Variants in COG7 observed in about 807,000 individuals in gnomAD.
The protein encoded by COG7 is component of oligomeric golgi complex 7.
COG7 carries 49 observed loss-of-function variants against 91.5 expected under a neutral mutation model. The observed-to-expected ratio is 0.54, with a 90% CI of 0.43 to 0.68. COG7 has a LOEUF of 0.68. COG7 is among the 30% of genes least tolerant of loss of function. COG7 has a pLI of 0.00. For missense variants in COG7, 895 were observed against 961.3 expected, an observed-to-expected ratio of 0.93 and a Z score of 0.91; for synonymous variants, 365 against 388.7, an observed-to-expected ratio of 0.94 and a Z score of 0.72.
rs1348606378 is a variant in COG7, at chr16:23,433,409, C to T, written c.810+136G>A. On this transcript the variant is annotated intron_variant, in intron 6 of 16. Transcript: ENST00000307149. ...CCCGGCCTAACTGGTTATTTTTTAA[C>T]CCCTTGAATGACAGCAACAAACGGG... 8 of 1,153,064 alleles carry T rather than the reference C, an allele frequency of 6.9e-6. No individual in the cohort carries two copies. In the East Asian group the frequency reaches 7.1e-5, roughly 10 times the overall value. 71.4% of individuals were successfully genotyped at this position (1,153,064 alleles called of 1,614,324 possible).
intron 13 of COG7, among the ~76,000 whole-genome samples, chr16:23,399,210 C>A (rs756179084): frequency 2.2e-4 from 33 of 152,306 alleles, no homozygotes; most frequent in Non-Finnish European, 4.0e-4. Flanking sequence ...TGCTCTCTAG[C>A]GCCCACTTGA....
intron 1 of COG7, 44 bp downstream of exon 1, chr16:23,452,782 G>A (rs769671630): frequency 2.7e-5 from 42 of 1,581,782 alleles, no homozygotes; most frequent in African/African-American, 4.0e-5. Context: ...CTGCCCAGCC[G>A]AGAGCAGGGG....
intron 7 of COG7, among the ~76,000 whole-genome samples, chr16:23,422,057 C>A (rs1450866285): frequency 6.6e-6 from 1 of 152,014 alleles, no homozygotes; most frequent in African/African-American, 2.4e-5. Flanking sequence ...CACCTGTAAT[C>A]CCAGCACTTT....
chr16:23,411,921 C>T (rs1262929713), intron 10 of COG7, among the ~76,000 whole-genome samples: 5 of 150,580 alleles, frequency 3.3e-5, no homozygotes, highest in African/African-American at 9.8e-5. Flanking sequence ...TGCTCTGTCA[C>T]CCAGGCTGGA....
At chr16:23,431,368 C>T (rs907532245) in intron 6 of COG7, among the ~76,000 whole-genome samples, 1 of 152,190 alleles carries the variant, frequency 6.6e-6, no homozygotes, top group African/African-American at 2.4e-5. Flanking sequence ...AAACTCATGT[C>T]TCCCAAAATC....
intron 7 of COG7, among the ~76,000 whole-genome samples, chr16:23,423,284 T>C (rs1042306352): frequency 6.6e-6 from 1 of 151,900 alleles, no homozygotes; most frequent in African/African-American, 2.4e-5. Flanking sequence ...GGAGAATTGT[T>C]TGAACCCAGG....
rs771793296 is a variant in COG7 at position 23,424,879 on chromosome 16, C to T, written c.879G>A (p.Ser293=). ...CGCCGTTGCTGAGGCAGGAGGGCAG[C>T]GAGGGCATGAGGGCCCCCAGGGTCT... is the stretch of plus-strand genomic sequence containing the variant. ...LIQTLGALMP[S]LPSCLSNGVE... The change falls in exon 7 of 17, where the codon TCG becomes TCA. Residue 293 remains serine, a synonymous_variant. Coordinates refer to ENST00000307149, the MANE Select transcript of COG7 (RefSeq NM_153603.4). 5.6e-6 allele frequency: 9 copies of T among 1,614,048 alleles called. No homozygotes were observed. In the East Asian group the frequency reaches 6.7e-5, roughly 12 times the overall value.
At chr16:23,443,908 T>C (rs1429974261) in intron 3 of COG7, among the ~76,000 whole-genome samples, 2 of 151,850 alleles carry the variant, frequency 1.3e-5, no homozygotes, top group Non-Finnish European at 2.9e-5. Context: ...TCCCTGCACT[T>C]TGGGAGGCCG....
At chr16:23,425,532 G>T (rs1963832730) in intron 6 of COG7, among the ~76,000 whole-genome samples, 1 of 151,894 alleles carries the variant, frequency 6.6e-6, no homozygotes, top group African/African-American at 2.4e-5. Context: ...TAGAGACGGG[G>T]TCTCACTATG....
Position 23,445,984 on chromosome 16 carries a change from A to C in COG7, c.170-23T>G, listed in dbSNP as rs199939503. On this transcript the variant is annotated intron_variant, in intron 1 of 16. Transcript: ENST00000307149. ...TTTCTGTAGTTAAAAAAAAAAAAAA[A>C]AACAACAACAACAGCGATAGCCACA... 5.6e-3 allele frequency: 8,886 copies of C among 1,596,874 alleles called. 13 individuals carry two copies. The highest frequency in any genetic ancestry group is 9.2e-3 in the Middle Eastern group (55 of 5,984).
Position 23,424,913 on chromosome 16 carries a change from A to G in COG7, c.845T>C (p.Leu282Pro). The G allele has an allele frequency of 1.2e-6, 2 of 1,613,376 alleles. No individual in the cohort carries two copies. Among genetic ancestry groups the G allele is most frequent in the Admixed American group, 1.7e-5 (1 of 59,864 alleles). ...GAGGGCCCCCAGGGTCTGAATCAGCAGCACCATTACCACCTCGTGGGGCTT... is the reference window on the plus strand; with the variant it reads ...GAGGGCCCCCAGGGTCTGAATCAGCGGCACCATTACCACCTCGTGGGGCTT... Reference protein sequence around the residue: ...FQKPHEVVMVLLIQTLGALMP... With the variant: ...FQKPHEVVMVPLIQTLGALMP... The change falls in exon 7 of 17, where the codon CTG becomes CCG. Residue 282 changes from leucine (L) to proline (P), a missense_variant. By Grantham distance (98) the Leu-to-Pro change is moderately conservative. Coordinates refer to ENST00000307149, the MANE Select transcript of COG7 (RefSeq NM_153603.4).
chr16:23,452,152 G>T (rs913838122), intron 1 of COG7, among the ~76,000 whole-genome samples: 1 of 152,214 alleles, frequency 6.6e-6, no homozygotes, highest in Non-Finnish European at 1.5e-5. Flanking sequence ...CATTTAAAAA[G>T]ATCCATCTTG....
At chr16:23,396,016 A>G (rs1448153682) in intron 14 of COG7, among the ~76,000 whole-genome samples, 1 of 152,216 alleles carries the variant, frequency 6.6e-6, no homozygotes, top group East Asian at 1.9e-4. Flanking sequence ...CTGGCGTCCT[A>G]ACAGAGCAGC....
chr16:23,393,572 C>A (rs1473720966), intron 14 of COG7: 1 of 555,222 alleles, frequency 1.8e-6, no homozygotes, highest in Non-Finnish European at 3.2e-6. Flanking sequence ...CTTATAATGA[C>A]CTCAATATTT....
intron 14 of COG7, among the ~76,000 whole-genome samples, chr16:23,397,036 A>C (rs1231173754): frequency 6.6e-6 from 1 of 152,104 alleles, no homozygotes; most frequent in Admixed American, 6.5e-5. Flanking sequence ...CAGCACCCCA[A>C]GTAGCTGGGA....
chr16:23,402,527 T>A (rs575577669), intron 13 of COG7, among the ~76,000 whole-genome samples: 55 of 152,174 alleles, frequency 3.6e-4, no homozygotes, highest in Non-Finnish European at 6.8e-4. Flanking sequence ...TCTATCAATA[T>A]ACAAAATCTC....
chr16:23,402,334 G>A (rs929195761), intron 13 of COG7, among the ~76,000 whole-genome samples: 2 of 144,692 alleles, frequency 1.4e-5, no homozygotes, highest in African/African-American at 2.7e-5. Flanking sequence ...GATCTTGGAG[G>A]TATTTATTAG....
intron 16 of COG7, among the ~76,000 whole-genome samples, 191 bp from the exon 17 acceptor site, chr16:23,389,277 G>A (rs1963149008): frequency 6.6e-6 from 1 of 152,060 alleles, no homozygotes; most frequent in Admixed American, 6.6e-5. Flanking sequence ...ACCAGACTGT[G>A]AGCTTGGCTC....
At chr16:23,417,176 G>A in intron 8 of COG7, 55 bp from the exon 9 acceptor site, 1 of 1,574,070 alleles carries the variant, frequency 6.4e-7, no homozygotes, top group Non-Finnish European at 8.7e-7. Context: ...ACAATGCTGA[G>A]ATAGGGGAAG....
Sources: allele counts gnomAD v4.1 joint callset (sites outside exome capture counted in the v4.1 genomes callset), GRCh38; gene constraint gnomAD v4.1.1; transcripts MANE v1.5; gene names NCBI Gene and HGNC (gene_info 2026-07-23, HGNC 2026-07-21).